FAM184B: variants seen among roughly 807,000 people sequenced by gnomAD.
FAM184B encodes the protein family with sequence similarity 184 member B, also known as protein FAM184B.
In FAM184B, 111 loss-of-function variants were observed where a neutral mutation model predicts 135.9. The ratio of observed to expected loss-of-function variants is 0.82; its 90% CI spans 0.70 to 0.96. FAM184B has a LOEUF of 0.96. Ranked by LOEUF, FAM184B falls within the 40% of genes least tolerant of loss-of-function variation. The probability of loss-of-function intolerance (pLI) is 0.00; values close to 1 mark genes in which losing one functional copy is unlikely to be tolerated. For synonymous variants in FAM184B, 552 were observed against 524.8 expected (o/e 1.05, Z -0.71); for missense variants, 1,375 against 1,323.9 (o/e 1.04, Z -0.60).
In FAM184B at chr4:17,767,804, A is replaced by T. The variant is rs76865593; in HGVS notation, c.141+13355T>A. On this transcript the variant is annotated intron_variant, in intron 1 of 17. Coordinates refer to ENST00000265018, the MANE Select transcript of FAM184B (RefSeq NM_015688.2). ...TAAATATGGATGTACTTTAAACAAGACTAATAAGGTAGGGTGCCAATCAAC... is the reference window on the plus strand; with the variant it reads ...TAAATATGGATGTACTTTAAACAAGTCTAATAAGGTAGGGTGCCAATCAAC... 6.5e-3 allele frequency among the ~76,000 whole-genome samples: 990 copies of T among 151,718 alleles called. 20 individuals carry two copies. The East Asian group carries it at 0.081, about 12-fold the overall frequency.
In FAM184B at chr4:17,652,881, C is replaced by T; in HGVS notation, c.2140G>A (p.Glu714Lys). 5 of 1,551,760 alleles carry T rather than the reference C, an allele frequency of 3.2e-6. No homozygotes were observed. Among genetic ancestry groups the T allele is most frequent in the Non-Finnish European group, 4.4e-6 (5 of 1,147,010 alleles). ...ATCCTCTCACGCTCCTCCTGCAGCT[C>T]TTGCCTGGCCTTTTCCTCCAAGGCC... is the stretch of plus-strand genomic sequence containing the variant. ...LQALEEKARQELQEERERMQA... is the reference protein window; with the variant it reads ...LQALEEKARQKLQEERERMQA... The change falls in exon 11 of 18, where the codon GAG becomes AAG. Residue 714 changes from glutamate (E) to lysine (K), a missense_variant. Transcript: ENST00000265018.
chr4:17,704,071 T>C (rs578177979), intron 5 of FAM184B, among the ~76,000 whole-genome samples: 3 of 152,262 alleles, frequency 2.0e-5, no homozygotes, highest in South Asian at 2.1e-4. Flanking sequence ...ATTTAACACA[T>C]AATCTTGAGT....
At chr4:17,747,044 C>CAAAA (rs11342758) in intron 1 of FAM184B, among the ~76,000 whole-genome samples, 2 of 98,534 alleles carry the variant, frequency 2.0e-5, no homozygotes, top group African/African-American at 8.3e-5. Context: ...GACTCCATCT[C>CAAAA]AAAAAAAAAA....
In FAM184B at chr4:17,633,908, G is replaced by T; in HGVS notation, c.2890-20C>A. 6.7e-7 allele frequency: 1 copy of T among 1,489,646 alleles called. No individual in the cohort carries two copies. The allele number at this position is 1,489,646 out of a possible 1,614,324, so 92.3% of individuals were successfully genotyped here. On this transcript the variant is annotated intron_variant, in intron 16 of 17. Coordinates refer to ENST00000265018, the MANE Select transcript of FAM184B (RefSeq NM_015688.2). ...CTTTTTCTGTTTGTATTAATGGACA[G>T]GTTAGTGCAATGCAATGCAAAAAAC...
intron 1 of FAM184B, among the ~76,000 whole-genome samples, chr4:17,770,276 T>A (rs1436318902): frequency 6.6e-6 from 1 of 152,182 alleles, no homozygotes; most frequent in Non-Finnish European, 1.5e-5. Flanking sequence ...TTTGTGTGAG[T>A]GGGCAAGAGT....
At chr4:17,726,799 C>T (rs929563885) in intron 1 of FAM184B, among the ~76,000 whole-genome samples, 15 of 152,180 alleles carry the variant, frequency 9.9e-5, no homozygotes, top group African/African-American at 2.2e-4. Context: ...TTTCCCAGCT[C>T]AGCCTGCCCC....
chr4:17,740,288 G>T (rs545382981), intron 1 of FAM184B, among the ~76,000 whole-genome samples: 1 of 139,298 alleles, frequency 7.2e-6, no homozygotes, highest in Non-Finnish European at 1.5e-5. Flanking sequence ...GGAGGCAGAG[G>T]TTGCAGTGAG....
chr4:17,766,844 C>T (rs369344930), intron 1 of FAM184B, among the ~76,000 whole-genome samples: 8 of 152,238 alleles, frequency 5.3e-5, no homozygotes, highest in South Asian at 2.1e-4. Context: ...TGGGACCAGG[C>T]GCCACAGAGC....
chr4:17,659,636 G>A lies in FAM184B; in HGVS notation c.1824+322C>T, dbSNP rs184418718. Reference sequence around the variant, plus strand: ...CGAGTAGCTGGGATTACAGGCGCCCGCCACATACCCAGCTAATTTTTGTAT... The same window carrying A: ...CGAGTAGCTGGGATTACAGGCGCCCACCACATACCCAGCTAATTTTTGTAT... On this transcript the variant is annotated intron_variant, in intron 9 of 17. Transcript: ENST00000265018. Among the ~76,000 whole-genome samples, 552 of 152,110 alleles carry A rather than the reference G, an allele frequency of 3.6e-3. 2 individuals carry two copies. Among genetic ancestry groups the A allele is most frequent in the Non-Finnish European group, 5.5e-3 (376 of 67,976 alleles).
intron 1 of FAM184B, among the ~76,000 whole-genome samples, chr4:17,775,394 C>A (rs894281141): frequency 1.2e-4 from 18 of 152,064 alleles, no homozygotes; most frequent in African/African-American, 4.3e-4. Flanking sequence ...ACCATGTTAG[C>A]CAGGATGGTC....
chr4:17,677,740 A>G (rs917954964), intron 7 of FAM184B, among the ~76,000 whole-genome samples: 3 of 152,220 alleles, frequency 2.0e-5, no homozygotes, highest in African/African-American at 7.2e-5. Flanking sequence ...ACAAACCAAT[A>G]TCCCTAATGA....
At chr4:17,727,653 T>G (rs906945040) in intron 1 of FAM184B, among the ~76,000 whole-genome samples, 1 of 152,078 alleles carries the variant, frequency 6.6e-6, no homozygotes, top group African/African-American at 2.4e-5. Context: ...TTGTGAGAAC[T>G]CCTTCATTTT....
intron 7 of FAM184B, among the ~76,000 whole-genome samples, chr4:17,667,497 G>A (rs1197677985): frequency 2.6e-5 from 4 of 152,172 alleles, no homozygotes; most frequent in African/African-American, 9.7e-5. Flanking sequence ...CCCACTTCCA[G>A]AGAATCATCA....
intron 1 of FAM184B, among the ~76,000 whole-genome samples, chr4:17,719,677 A>G (rs1199102185): frequency 1.3e-5 from 2 of 152,186 alleles, no homozygotes; most frequent in South Asian, 2.1e-4. Flanking sequence ...ATGAACAAAA[A>G]TCTTTATTTT....
rs78872517 is a variant in FAM184B, at chr4:17,717,047, G to T, written c.142-7403C>A. ...GCTGGTCTAGATCTTCTGACTTCAG[G>T]TGATACACCTGCCTCAGCCTCCCAA... On this transcript the variant is annotated intron_variant, in intron 1 of 17. Transcript: ENST00000265018. Among the ~76,000 whole-genome samples the T allele has an allele frequency of 2.3e-4, 35 of 152,180 alleles. No homozygotes were observed. In the East Asian group the frequency reaches 6.8e-3, roughly 29 times the overall value.
rs539678551 is a variant in FAM184B, at chr4:17,742,936, A to G, written c.142-33292T>C. On this transcript the variant is annotated intron_variant, in intron 1 of 17. Coordinates refer to ENST00000265018, the MANE Select transcript of FAM184B (RefSeq NM_015688.2). ...GCACTTGACCATCCCTGGACAGCAG[A>G]GCTGAAAAAGCATTGGTTATACATG... Among the ~76,000 whole-genome samples the G allele has an allele frequency of 1.4e-4, 21 of 152,336 alleles. No homozygotes were observed. The South Asian group carries it at 2.5e-3, about 18-fold the overall frequency.
chr4:17,755,879 G>T (rs1346266992), intron 1 of FAM184B, among the ~76,000 whole-genome samples: 1 of 152,096 alleles, frequency 6.6e-6, no homozygotes, highest in African/African-American at 2.4e-5. Context: ...GGACACATGG[G>T]GTAAACAACA....
chr4:17,744,397 A>G (rs1023035326), intron 1 of FAM184B, among the ~76,000 whole-genome samples: 4 of 151,710 alleles, frequency 2.6e-5, no homozygotes, highest in Non-Finnish European at 5.9e-5. Context: ...TGAAGGCGCG[A>G]GGCAGGCCTT....
chr4:17,657,421 C>T (rs948516493), intron 10 of FAM184B, among the ~76,000 whole-genome samples: 2 of 152,196 alleles, frequency 1.3e-5, no homozygotes, highest in Admixed American at 1.3e-4. Context: ...CATCGTAGCT[C>T]TCTTTTATTC....
Sources: gnomAD v4.1 joint callset for allele counts (sites outside exome capture counted in the v4.1 genomes callset) on GRCh38, gnomAD v4.1.1 for gene constraint, MANE v1.5 for transcripts, NCBI Gene and HGNC (gene_info 2026-07-23, HGNC 2026-07-21) for gene names.